BCAS3: variants seen among roughly 807,000 people sequenced by gnomAD.
BCAS3 encodes the protein BCAS4/BCAS3 fusion.
Under a neutral mutation model 116.1 loss-of-function variants are expected in BCAS3, and 53 were observed. That is an observed-to-expected ratio of 0.46 (90% confidence interval 0.37 to 0.57). The LOEUF is 0.57. Ranked by LOEUF, BCAS3 falls within the 20% of genes least tolerant of loss-of-function variation. The pLI, the probability that BCAS3 is intolerant of heterozygous loss-of-function variation, is 0.00. For synonymous variants in BCAS3, 391 were observed against 408.2 expected (o/e 0.96, Z 0.51); for missense variants, 917 against 1,165.4 (o/e 0.79, Z 3.10).
chr17:60,881,414 T>G (rs932794284), intron 9 of BCAS3, among the ~76,000 whole-genome samples: 1 of 152,182 alleles, frequency 6.6e-6, no homozygotes, highest in African/African-American at 2.4e-5. Flanking sequence ...TTTACAGTAT[T>G]TCATTCTAAG....
Position 60,860,320 on chromosome 17 carries a change from G to A in BCAS3, c.477-8256G>A, listed in dbSNP as rs141322435. 1.5e-4 allele frequency among the ~76,000 whole-genome samples: 23 copies of A among 152,266 alleles called. 1 individual carries two copies. The East Asian group carries it at 3.1e-3, about 20-fold the overall frequency. ...CTTCTATTGAGAAGTGTCTGTTCAC[G>A]TACTTTGCCCATTTTTTAAATGGGG... On this transcript the variant is annotated intron_variant, in intron 7 of 23. Transcript: ENST00000407086.
At chr17:60,833,552 C>G (rs1174102181) in intron 7 of BCAS3, among the ~76,000 whole-genome samples, 2 of 152,194 alleles carry the variant, frequency 1.3e-5, no homozygotes, top group Non-Finnish European at 2.9e-5. Context: ...ATTTTGCACA[C>G]TTATACTTTT....
intron 22 of BCAS3, among the ~76,000 whole-genome samples, chr17:61,195,350 G>A (rs535966755): frequency 2.9e-4 from 44 of 152,012 alleles, no homozygotes; most frequent in African/African-American, 1.0e-3. Context: ...TCCACCAGCC[G>A]TACTCTCCCT....
chr17:61,052,955 G>A (rs926835261), intron 19 of BCAS3, among the ~76,000 whole-genome samples: 6 of 151,798 alleles, frequency 4.0e-5, no homozygotes, highest in African/African-American at 1.2e-4. Context: ...GACCTCAAGC[G>A]ATCTGCCCGC....
intron 22 of BCAS3, among the ~76,000 whole-genome samples, chr17:61,231,484 G>GAAGT (rs372998839): frequency 2.0e-4 from 31 of 152,130 alleles, no homozygotes; most frequent in African/African-American, 7.5e-4. Context: ...GTCATACCAT[G>GAAGT]AAGTACAAAG....
rs2083278924 is a variant in BCAS3 at position 61,239,024 on chromosome 17, T to G, written c.2426-129303T>G. ...GGGTACCTAAGATTTTTTTAATTTGTTCGTGTATATTTTTAGCAATAGAAG... is the reference window on the plus strand; with the variant it reads ...GGGTACCTAAGATTTTTTTAATTTGGTCGTGTATATTTTTAGCAATAGAAG... On this transcript the variant is annotated intron_variant, in intron 22 of 23. Transcript: ENST00000407086. This position sits in a 1 kb window ranked among gnomAD's most constrained non-coding sequence, Gnocchi z 4.2. 1.3e-5 allele frequency among the ~76,000 whole-genome samples: 2 copies of G among 152,140 alleles called. No homozygotes were observed. The highest frequency in any genetic ancestry group is 4.1e-4 in the South Asian group (2 of 4,824).
rs192408059 is a variant in BCAS3, at chr17:61,245,797, T to G, written c.2426-122530T>G. Among the ~76,000 whole-genome samples, 47 of 151,156 alleles carry G rather than the reference T, an allele frequency of 3.1e-4. 1 individual carries two copies. The highest frequency in any genetic ancestry group is 2.3e-3 in the Admixed American group (34 of 14,968). On this transcript the variant is annotated intron_variant, in intron 22 of 23. Transcript: ENST00000407086. ...CTTCTTTTTCATGTTAATGAAGTTC[T>G]GTCTCATTGAAAGAAAAAAAAAGAG...
intron 14 of BCAS3, among the ~76,000 whole-genome samples, chr17:60,963,653 T>A (rs1006887578): frequency 6.6e-6 from 1 of 151,768 alleles, no homozygotes; most frequent in Non-Finnish European, 1.5e-5. Context: ...CCTCCCAGGT[T>A]CATGCCATTC....
At position 61,023,175 on chromosome 17, in the gene BCAS3, C is replaced by A. The variant is rs2065991979; in HGVS notation, c.1637+7274C>A. 6.6e-6 allele frequency among the ~76,000 whole-genome samples: 1 copy of A among 152,170 alleles called. No homozygotes were observed. Among genetic ancestry groups the A allele is most frequent in the Admixed American group, 6.5e-5 (1 of 15,280 alleles). On this transcript the variant is annotated intron_variant, in intron 16 of 23. Transcript: ENST00000407086. This position sits in a 1 kb window ranked among gnomAD's most constrained non-coding sequence, Gnocchi z 4.8. ...GCATGTGGGAAATGCAAGTTCACTT[C>A]AGTTGTTGTTTTAACAGAGGGCACA...
At chr17:61,386,201 C>T (rs548790926) in intron 23 of BCAS3, among the ~76,000 whole-genome samples, 1 of 152,336 alleles carries the variant, frequency 6.6e-6, no homozygotes, top group Admixed American at 6.5e-5. Context: ...GAGTAACTTT[C>T]CCAAAGTCTC....
At chr17:60,917,890 G>A (rs1244570564) in intron 12 of BCAS3, among the ~76,000 whole-genome samples, 3 of 152,130 alleles carry the variant, frequency 2.0e-5, no homozygotes, top group Admixed American at 6.5e-5. Context: ...ACCGTGCCCC[G>A]CCACCTTTCG....
In BCAS3 at chr17:61,387,193, A is replaced by G. The variant is rs2059900275; in HGVS notation, c.2594-4784A>G. Among the ~76,000 whole-genome samples, 1 of 152,010 alleles carries G rather than the reference A, an allele frequency of 6.6e-6. No homozygotes were observed. Among genetic ancestry groups the G allele is most frequent in the Admixed American group, 6.5e-5 (1 of 15,278 alleles). On this transcript the variant is annotated intron_variant, in intron 23 of 23. Coordinates refer to ENST00000407086, the MANE Select transcript of BCAS3 (RefSeq NM_017679.5). The surrounding 1 kb of genome is among the most constrained non-coding windows in gnomAD (Gnocchi z 6.2). Reference sequence around the variant, plus strand: ...CTCCCGGGGAGTCTGCTGCCCGTCAACTCACAGCCTGGCAAAGGGGCCACA... The same window carrying G: ...CTCCCGGGGAGTCTGCTGCCCGTCAGCTCACAGCCTGGCAAAGGGGCCACA...
At chr17:61,293,525 A>G (rs1286030987) in intron 22 of BCAS3, among the ~76,000 whole-genome samples, 3 of 152,178 alleles carry the variant, frequency 2.0e-5, no homozygotes, top group Non-Finnish European at 4.4e-5. Context: ...TAGGGCCCAG[A>G]GAAGTCCCGT....
At chr17:61,216,516 GTTTAT>G (rs3032587) in intron 22 of BCAS3, among the ~76,000 whole-genome samples, 7,918 of 145,388 alleles carry the variant, frequency 0.054, 253 homozygotes, top group African/African-American at 0.063. Flanking sequence ...ATAAGTATGT[GTTTAT>G]TTTATTTTAT....
rs1432636861 is a variant in BCAS3, at chr17:60,909,922, C to T, written c.823-610C>T. 2.0e-5 allele frequency among the ~76,000 whole-genome samples: 3 copies of T among 152,220 alleles called. No homozygotes were observed. The East Asian group carries it at 5.8e-4, about 29-fold the overall frequency. On this transcript the variant is annotated intron_variant, in intron 11 of 23. Transcript: ENST00000407086. ...TTCTGTTACCAGATAGAAAATAACT[C>T]TCTTAACTAATTTAGTATGATACTT... is the stretch of plus-strand genomic sequence containing the variant.
chr17:60,756,189 G>A (rs1250459895), intron 6 of BCAS3, among the ~76,000 whole-genome samples: 1 of 152,130 alleles, frequency 6.6e-6, no homozygotes. Flanking sequence ...TTCTCATAAG[G>A]AGTGCACAAC....
rs1254121322 is a variant in BCAS3, at chr17:61,139,347, G to A, written c.2425+54783G>A. 6.6e-6 allele frequency among the ~76,000 whole-genome samples: 1 copy of A among 152,178 alleles called. No homozygotes were observed. The highest frequency in any genetic ancestry group is 1.5e-5 in the Non-Finnish European group (1 of 68,032). On this transcript the variant is annotated intron_variant, in intron 22 of 23. Transcript: ENST00000407086. This position sits in a 1 kb window ranked among gnomAD's most constrained non-coding sequence, Gnocchi z 4.7. ...GAAGGTTAAAGATGTCTGTGATCTG[G>A]CCAAACGAGGTTCACAAATGCTGTT...
intron 1 of BCAS3, among the ~76,000 whole-genome samples, chr17:60,678,369 C>G (rs2032349676): frequency 6.6e-6 from 1 of 152,134 alleles, no homozygotes; most frequent in Non-Finnish European, 1.5e-5. Context: ...GGTGTGAATG[C>G]TCCCTACTTA....
rs2054131893 is a variant in BCAS3 at position 61,309,533 on chromosome 17, A to G, written c.2426-58794A>G. 6.6e-6 allele frequency among the ~76,000 whole-genome samples: 1 copy of G among 152,070 alleles called. No individual in the cohort carries two copies. Among genetic ancestry groups the G allele is most frequent in the African/African-American group, 2.4e-5 (1 of 41,400 alleles). ...CCCTTCCCTGCCTCACTTGCCCTCT[A>G]CTTCCCAGCTTCACCATAGCTGGGA... On this transcript the variant is annotated intron_variant, in intron 22 of 23. Coordinates refer to ENST00000407086, the MANE Select transcript of BCAS3 (RefSeq NM_017679.5). The surrounding 1 kb of genome is among the most constrained non-coding windows in gnomAD (Gnocchi z 4.6).
Sources: allele counts gnomAD v4.1 joint callset (sites outside exome capture counted in the v4.1 genomes callset), GRCh38; gene constraint gnomAD v4.1.1; non-coding constraint Gnocchi (gnomAD v3.1); transcripts MANE v1.5; gene names NCBI Gene and HGNC (gene_info 2026-07-23, HGNC 2026-07-21).